Variants in ZNF814 observed in about 807,000 individuals in gnomAD.
ZNF814 encodes the protein zinc finger protein 814.
Under a neutral mutation model 7.5 loss-of-function variants are expected in ZNF814, and 5 were observed. The observed-to-expected ratio is 0.67, with a 90% CI of 0.35 to 1.40. The LOEUF (loss-of-function observed/expected upper bound fraction) is 1.40, where lower values mean the gene tolerates loss of function less well. Ranked by LOEUF, ZNF814 falls within the 40% of genes most tolerant of loss-of-function variation. ZNF814 has a pLI of 0.04. For missense variants in ZNF814, 962 were observed against 1,018.0 expected, an observed-to-expected ratio of 0.94 and a Z score of 0.75; for synonymous variants, 315 against 340.7, an observed-to-expected ratio of 0.92 and a Z score of 0.83.
chr19:57,892,677 C>A (rs990268913), upstream of ZNF814, among the ~76,000 whole-genome samples: 5 of 152,202 alleles, frequency 3.3e-5, no homozygotes, highest in African/African-American at 2.4e-5. Flanking sequence ...GCTGATGGGA[C>A]TGCTGGAAAA....
the ZNF814 span, among the ~76,000 whole-genome samples, chr19:57,898,569 T>G: frequency 2.6e-5 from 4 of 152,168 alleles, no homozygotes; most frequent in Non-Finnish European, 5.9e-5. Context: ...CTGGAGGCTT[T>G]AAAAGAATTA....
chr19:57,873,666 G>T lies in ZNF814; in HGVS notation c.1724C>A (p.Ser575Tyr), dbSNP rs368983160. The part of the protein sequence containing the change: ...LHQRVHPRER[S>Y]YGCGECGKSF... ...TTTCCCACATTCTCCACACCCATAAGATCTTTCTCTAGGGTGAACTCGCTG... is the reference window on the plus strand; with the variant it reads ...TTTCCCACATTCTCCACACCCATAATATCTTTCTCTAGGGTGAACTCGCTG... The change falls in exon 3 of 3, where the codon TCT becomes TAT. Residue 575 changes from serine to tyrosine, a missense_variant. Ser to Tyr is a moderately radical substitution (Grantham distance 144). Coordinates refer to ENST00000435989, the MANE Select transcript of ZNF814 (RefSeq NM_001144989.2). 208 of 1,613,744 alleles carry T rather than the reference G, an allele frequency of 1.3e-4. No individual in the cohort carries two copies. The highest frequency in any genetic ancestry group is 5.3e-5 in the African/African-American group (4 of 74,830).
intron 1 of ZNF814, among the ~76,000 whole-genome samples, chr19:57,883,111 C>CA (rs113769223): frequency 0.041 from 6,309 of 152,044 alleles, 447 homozygotes; most frequent in African/African-American, 0.14. Flanking sequence ...GTAATCCCAG[C>CA]ACTTTGGGAG....
At position 57,888,838 on chromosome 19, in the gene ZNF814, G is replaced by C; in HGVS notation, c.-36C>G. On this transcript the variant is annotated 5_prime_UTR_variant, in exon 1 of 3. Transcript: ENST00000435989. ...GGTTTTAAGCAGAGTCGGGAGGATA[G>C]GGCGACCAGCCAGGAGATATGGGCA... 1 of 1,551,368 alleles carries C rather than the reference G, an allele frequency of 6.4e-7. No individual in the cohort carries two copies.
At chr19:57,876,871 A>C in intron 2 of ZNF814, 45 bp downstream of exon 2, 2 of 1,609,250 alleles carry the variant, frequency 1.2e-6, no homozygotes, top group Non-Finnish European at 1.7e-6. Flanking sequence ...AGATAGGGGA[A>C]AACAGAGACT....
At chr19:57,903,342 GCT>G in the ZNF814 span, among the ~76,000 whole-genome samples, 1 of 152,180 alleles carries the variant, frequency 6.6e-6, no homozygotes, top group Non-Finnish European at 1.5e-5. Context: ...AAATTATGGA[GCT>G]CTCAGGCCCA....
rs887569868 is a variant in ZNF814 at position 57,876,727 on chromosome 19, G to C, written c.163+189C>G. The C allele has an allele frequency of 2.4e-5, 22 of 909,740 alleles. No individual in the cohort carries two copies. The African/African-American group carries it at 3.6e-4, about 15-fold the overall frequency. 56.4% of individuals were successfully genotyped at this position (909,740 alleles called of 1,614,324 possible). On this transcript the variant is annotated intron_variant, in intron 2 of 2. Transcript: ENST00000435989. ...TCCCTGGGAGCCTGCAGTAAAGCAG[G>C]TGTTGGGGCTGCTCCAAGAAAGGAG...
chr19:57,892,725 T>G (rs535422784), upstream of ZNF814, among the ~76,000 whole-genome samples: 2 of 152,358 alleles, frequency 1.3e-5, no homozygotes, highest in African/African-American at 4.8e-5. Context: ...CCTGAACTTT[T>G]CAGTGTCACT....
At chr19:57,885,164 T>C (rs1314193550) in intron 1 of ZNF814, among the ~76,000 whole-genome samples, 2 of 151,398 alleles carry the variant, frequency 1.3e-5, no homozygotes, top group Non-Finnish European at 2.9e-5. Context: ...CTACTAAAAA[T>C]ACAAAAAATT....
intron 2 of ZNF814, among the ~76,000 whole-genome samples, chr19:57,875,913 C>CCTGACT (rs1220177656): frequency 6.8e-6 from 1 of 146,014 alleles, no homozygotes; most frequent in Non-Finnish European, 1.5e-5. Flanking sequence ...TCAATAAAGC[C>CCTGACT]CTGACTCCAT....
rs1432044636 is a variant in ZNF814 at position 57,873,258 on chromosome 19, T to C, written c.2132A>G (p.Asn711Ser). Residue 711 changes from asparagine (N) to serine (S), a missense_variant, in exon 3 of 3, where the codon AAT (asparagine) becomes AGT (serine). Physicochemically the swap from Asn to Ser is conservative, Grantham distance 46. Coordinates refer to ENST00000435989, the MANE Select transcript of ZNF814 (RefSeq NM_001144989.2). ...TTCACAAGCATATGGCTTTTCTCCA[T>C]TGTGAATTCTCTGGTGTACAAGGAG... is the stretch of plus-strand genomic sequence containing the variant. ...SHLLVHQRIH[N>S]GEKPYACEAC... is the part of the protein sequence containing the mutation. 2.5e-6 allele frequency: 4 copies of C among 1,601,950 alleles called. No individual in the cohort carries two copies. Among genetic ancestry groups the C allele is most frequent in the Non-Finnish European group, 3.4e-6 (4 of 1,174,034 alleles).
At chr19:57,891,430 T>C (rs533068130), upstream of ZNF814, among the ~76,000 whole-genome samples, 1,013 of 148,182 alleles carry the variant, frequency 6.8e-3, 15 homozygotes, top group African/African-American at 0.024. Flanking sequence ...GAGGCTGAGG[T>C]AGGGGAACGG....
chr19:57,877,881 T>G (rs1311496985), intron 1 of ZNF814, among the ~76,000 whole-genome samples: 2 of 152,130 alleles, frequency 1.3e-5, no homozygotes, highest in African/African-American at 2.4e-5. Context: ...TCAATTGTAT[T>G]GAGCCAGGCG....
At chr19:57,903,497 T>C in the ZNF814 span, among the ~76,000 whole-genome samples, 2 of 152,278 alleles carry the variant, frequency 1.3e-5, no homozygotes, top group East Asian at 3.9e-4. Context: ...TCCTCATAGT[T>C]AGAATGAAAC....
chr19:57,889,328 G>C (rs1247180245), upstream of ZNF814, among the ~76,000 whole-genome samples: 7 of 152,156 alleles, frequency 4.6e-5, no homozygotes, highest in Admixed American at 3.9e-4. Flanking sequence ...AGGATCATTT[G>C]AGGTCAGGAG....
intron 1 of ZNF814, among the ~76,000 whole-genome samples, chr19:57,877,888 GGC>G (rs2071618697): frequency 6.6e-6 from 1 of 152,074 alleles, no homozygotes; most frequent in Non-Finnish European, 1.5e-5. Context: ...TATTGAGCCA[GGC>G]GCGGTGGCTC....
chr19:57,888,772 C>A lies in ZNF814; in HGVS notation c.31G>T (p.Ala11Ser). Residue 11 changes from alanine to serine, a missense_variant, in exon 1 of 3, where the codon GCT becomes TCT. By Grantham distance (99) the Ala-to-Ser change is moderately conservative. This residue lies in a region of ZNF814 where 63 missense variants were observed against 65.0 expected (regional missense o/e 0.97). Coordinates refer to ENST00000435989, the MANE Select transcript of ZNF814 (RefSeq NM_001144989.2). MAAAATLRLS[A>S]QGTVTFEDVA... ...ACAGAAGGCCCCACAATTACCTGAG[C>A]GGAGAGCCTCAGCGTAGCCGCGGCA... The A allele has an allele frequency of 6.4e-7, 1 of 1,553,036 alleles. No individual in the cohort carries two copies. The highest frequency in any genetic ancestry group is 8.7e-7 in the Non-Finnish European group (1 of 1,147,792).
At position 57,884,073 on chromosome 19, in the gene ZNF814, G is replaced by T. The variant is rs556449734; in HGVS notation, c.36+4694C>A. Among the ~76,000 whole-genome samples, 7 of 152,226 alleles carry T rather than the reference G, an allele frequency of 4.6e-5. No individual in the cohort carries two copies. The South Asian group carries it at 1.5e-3, about 32-fold the overall frequency. The stretch of plus-strand genomic sequence containing the variant: ...AGCCTGGCCGACAAAGACTTCTTGA[G>T]TAATACCTTTCAAGCACAGGCAACC... On this transcript the variant is annotated intron_variant, in intron 1 of 2. Coordinates refer to ENST00000435989, the MANE Select transcript of ZNF814 (RefSeq NM_001144989.2).
At chr19:57,879,392 T>C (rs1399727687) in intron 1 of ZNF814, among the ~76,000 whole-genome samples, 1 of 148,232 alleles carries the variant, frequency 6.7e-6, no homozygotes, top group African/African-American at 2.5e-5. Flanking sequence ...CTATGCCCTC[T>C]GATACACCCT....
Sources: allele counts gnomAD v4.1 joint callset (sites outside exome capture counted in the v4.1 genomes callset), GRCh38; gene constraint gnomAD v4.1.1; regional missense constraint gnomAD v4.1.1; transcripts MANE v1.5; gene names NCBI Gene and HGNC (gene_info 2026-07-23, HGNC 2026-07-21).